Variants in ARMCX4 observed in about 807,000 individuals in gnomAD.
ARMCX4 encodes armadillo repeat-containing X-linked protein 4.
A neutral mutation model predicts 34.7 loss-of-function variants in ARMCX4; 3 were observed. The ratio of observed to expected loss-of-function variants is 0.09; its 90% CI spans 0.04 to 0.22. ARMCX4 has a LOEUF of 0.22. Ranked by LOEUF, ARMCX4 falls within the 10% of genes least tolerant of loss-of-function variation. ARMCX4 has a pLI of 1.00. For missense variants in ARMCX4, 1,448 were observed against 1,720.8 expected, an observed-to-expected ratio of 0.84 and a Z score of 2.81; for synonymous variants, 513 against 632.8, an observed-to-expected ratio of 0.81 and a Z score of 2.84.
downstream of ARMCX4, among the ~76,000 whole-genome samples, chrX:101,450,772 C>G (rs1931931701): frequency 9.0e-6 from 1 of 111,553 alleles, no homozygotes; most frequent in Non-Finnish European, 1.9e-5. Flanking sequence ...GCTCTTCAGT[C>G]AGCAGGTGAT....
chrX:101,424,267 T>G (rs1411627199), intron 2 of ARMCX4, among the ~76,000 whole-genome samples: 2 of 111,617 alleles, frequency 1.8e-5, no homozygotes, highest in African/African-American at 6.5e-5. Flanking sequence ...CATGGAAGCT[T>G]GGTGCCCCTT....
chrX:101,531,539 T>C (rs1556022147), intron 11 of ARMCX4: 1 of 112,245 alleles, frequency 8.9e-6, no homozygotes, highest in Non-Finnish European at 1.9e-5. Flanking sequence ...GAACTATAGA[T>C]GTAAATATCC....
chrX:101,481,684 A>C (rs1457169305), upstream of ARMCX4, among the ~76,000 whole-genome samples: 1 of 111,679 alleles, frequency 9.0e-6, no homozygotes, highest in Admixed American at 9.6e-5. Flanking sequence ...TTTTGGCAAT[A>C]TCAAATGTAT....
chrX:101,479,621 C>T (rs1933353795), intron 4 of ARMCX4, among the ~76,000 whole-genome samples: 1 of 108,836 alleles, frequency 9.2e-6, no homozygotes, highest in Admixed American at 9.9e-5. Flanking sequence ...GCTTGGACTA[C>T]AGGTGTGCGC....
intron 4 of ARMCX4, among the ~76,000 whole-genome samples, chrX:101,472,926 C>G (rs1226699817): frequency 9.7e-5 from 10 of 103,467 alleles, no homozygotes; most frequent in East Asian, 9.4e-4. Flanking sequence ...CAGCTAACAT[C>G]ATAATGACAG....
At chrX:101,520,248 AT>A (rs200231527) in intron 11 of ARMCX4, among the ~76,000 whole-genome samples, 3,994 of 111,850 alleles carry the variant, frequency 0.036, 186 homozygotes, top group African/African-American at 0.12. Flanking sequence ...TAGACATCAT[AT>A]TTTTTCCTTT....
At chrX:101,472,906 G>A (rs1254640557) in intron 4 of ARMCX4, among the ~76,000 whole-genome samples, 1 of 101,070 alleles carries the variant, frequency 9.9e-6, no homozygotes, top group African/African-American at 3.8e-5. Context: ...CAACTAACGA[G>A]CAAAATCACC....
At chrX:101,433,312 A>C (rs1381434758) in intron 2 of ARMCX4, among the ~76,000 whole-genome samples, 3 of 101,792 alleles carry the variant, frequency 2.9e-5, no homozygotes, top group Admixed American at 1.0e-4. Context: ...CTATATGTAC[A>C]TATATACTTA....
intron 11 of ARMCX4, among the ~76,000 whole-genome samples, chrX:101,513,278 C>T (rs1376783204): frequency 9.0e-6 from 1 of 111,668 alleles, no homozygotes; most frequent in East Asian, 2.8e-4. Flanking sequence ...CAACTTTACA[C>T]ATAGTATTAA....
chrX:101,496,764 G>A (rs2147681652), downstream of ARMCX4, among the ~76,000 whole-genome samples: 1 of 111,696 alleles, frequency 9.0e-6, no homozygotes, highest in South Asian at 3.8e-4. Flanking sequence ...GAGGGTGAGG[G>A]TGTCGGGGGA....
At chrX:101,445,176 A>T (rs1603131669) in intron 3 of ARMCX4, among the ~76,000 whole-genome samples, 1 of 112,570 alleles carries the variant, frequency 8.9e-6, no homozygotes, top group East Asian at 2.8e-4. Context: ...TTGAAATATT[A>T]CTATTCTTGG....
At chrX:101,440,359 C>T (rs958048530) in intron 2 of ARMCX4, among the ~76,000 whole-genome samples, 18 of 111,434 alleles carry the variant, frequency 1.6e-4, no homozygotes, top group East Asian at 2.8e-4. Flanking sequence ...GAGGAGTACC[C>T]GGCCGTGTGA....
intron 2 of ARMCX4, among the ~76,000 whole-genome samples, chrX:101,425,528 G>A (rs2050544776): frequency 9.1e-6 from 1 of 109,393 alleles, no homozygotes; most frequent in Non-Finnish European, 1.9e-5. Flanking sequence ...CGAGTAGCTG[G>A]GATTACAGGC....
At position 101,488,936 on chromosome X, in the gene ARMCX4, A is replaced by G; in HGVS notation, c.347A>G (p.Glu116Gly). ...MVGAEPETQS[E>G]SKVVAGTLVM... is the part of the protein sequence containing the mutation. ...GGGGCAGAGCCAGAGACTCAATCTG[A>G]GTCCAAAGTGGTGGCTGGAACACTG... The change falls in exon 6 of 6, where the codon GAG (glutamate) becomes GGG (glycine). Residue 116 changes from glutamate to glycine, a missense_variant. Glu to Gly is a moderately conservative substitution (Grantham distance 98). Coordinates refer to ENST00000423738, the MANE Select transcript of ARMCX4 (RefSeq NM_001256155.3). 1 of 1,156,414 alleles carries G rather than the reference A, an allele frequency of 8.6e-7. No homozygotes were observed. Among genetic ancestry groups the G allele is most frequent in the Non-Finnish European group, 1.1e-6 (1 of 873,110 alleles).
chrX:101,533,060 A>G (rs1043584480), intron 12 of ARMCX4: 2 of 109,078 alleles, frequency 1.8e-5, no homozygotes, highest in Non-Finnish European at 3.8e-5. Flanking sequence ...GTCTTGTTCT[A>G]TGCCCTGGGC....
At position 101,493,979 on chromosome X, in the gene ARMCX4, C is replaced by A. The variant is rs782317629; in HGVS notation, c.5390C>A (p.Ser1797Tyr). ...NKASSGSWIR[S>Y]EEVAYMGSCV... ...GCTAGTAGTGGCTCCTGGATTAGATCTGAGGAGGTGGCTTATATGGGCTCC... is the reference window on the plus strand; with the variant it reads ...GCTAGTAGTGGCTCCTGGATTAGATATGAGGAGGTGGCTTATATGGGCTCC... The change falls in exon 6 of 6, where the codon TCT becomes TAT. Residue 1797 changes from serine (S) to tyrosine (Y), a missense_variant. Ser to Tyr is a moderately radical substitution (Grantham distance 144). Coordinates refer to ENST00000423738, the MANE Select transcript of ARMCX4 (RefSeq NM_001256155.3). The A allele has an allele frequency of 6.2e-6, 6 of 974,108 alleles. No homozygotes were observed. In the South Asian group the frequency reaches 1.2e-4, roughly 20 times the overall value. The allele number at this position is 974,108 out of a possible 1,213,427, so 80.3% of individuals were successfully genotyped here.
intron 8 of ARMCX4, among the ~76,000 whole-genome samples, chrX:101,508,194 C>T (rs1934499823): frequency 8.9e-6 from 1 of 112,321 alleles, no homozygotes; most frequent in Admixed American, 9.4e-5. Flanking sequence ...CCGAACAATG[C>T]ATTTCTCAGA....
chrX:101,475,766 C>A (rs1478288902), intron 4 of ARMCX4, among the ~76,000 whole-genome samples: 1 of 111,322 alleles, frequency 9.0e-6, no homozygotes, highest in African/African-American at 3.3e-5. Flanking sequence ...CACAGAAGGA[C>A]GCTTATTATT....
Position 101,488,789 on chromosome X carries a change from C to A in ARMCX4, c.200C>A (p.Thr67Asn), listed in dbSNP as rs1556007619. The A allele has an allele frequency of 6.9e-6, 8 of 1,156,377 alleles. No individual in the cohort carries two copies. Among genetic ancestry groups the A allele is most frequent in the Non-Finnish European group, 8.0e-6 (7 of 873,086 alleles). Residue 67 changes from threonine (T) to asparagine (N), a missense_variant, in exon 6 of 6, where the codon ACT becomes AAT. By Grantham distance (65) the Thr-to-Asn change is moderately conservative. Around this residue, in one of 2 missense-constraint regions of ARMCX4, gnomAD observed 1,343 missense variants for 1,540.7 expected, o/e 0.87. Transcript: ENST00000423738. ...GCCATAAATGAAGCAGAGATTAAGA[C>A]TAAACCCCAAGTCGAGATTGGAGCA... ...TLAINEAEIKTKPQVEIGAET... is the reference protein window; with the variant it reads ...TLAINEAEIKNKPQVEIGAET...
Sources: allele counts gnomAD v4.1 joint callset (sites outside exome capture counted in the v4.1 genomes callset), GRCh38; gene constraint gnomAD v4.1.1; regional missense constraint gnomAD v4.1.1; transcripts MANE v1.5; gene names NCBI Gene and HGNC (gene_info 2026-07-23, HGNC 2026-07-21).